BFSP2: variants seen among roughly 807,000 people sequenced by gnomAD.
The protein encoded by BFSP2 is phakinin.
Under a neutral mutation model 44.9 loss-of-function variants are expected in BFSP2, and 38 were observed. The ratio of observed to expected loss-of-function variants is 0.85; its 90% CI spans 0.65 to 1.11. The LOEUF is 1.11. Among genes scored for constraint, BFSP2 ranks in the 50% least tolerant of loss-of-function variants. The pLI, the probability that BFSP2 is intolerant of heterozygous loss-of-function variation, is 0.00. For missense variants in BFSP2, 525 were observed against 533.0 expected, an observed-to-expected ratio of 0.99 and a Z score of 0.15; for synonymous variants, 197 against 209.9, an observed-to-expected ratio of 0.94 and a Z score of 0.53.
Position 133,442,782 on chromosome 3 carries a change from A to T in BFSP2, c.490-4535A>T, listed in dbSNP as rs145034639. Reference sequence around the variant, plus strand: ...ATGATCCCTTGGTTTCCGGGTAGACATTGGGGTTGTTTACTGAGATGAAGA... The same window carrying T: ...ATGATCCCTTGGTTTCCGGGTAGACTTTGGGGTTGTTTACTGAGATGAAGA... On this transcript the variant is annotated intron_variant, in intron 1 of 6. Coordinates refer to ENST00000302334, the MANE Select transcript of BFSP2 (RefSeq NM_003571.4). Among the ~76,000 whole-genome samples, 35 of 152,044 alleles carry T rather than the reference A, an allele frequency of 2.3e-4. 2 individuals are homozygous for T. The highest frequency in any genetic ancestry group is 8.2e-4 in the African/African-American group (34 of 41,476).
At chr3:133,434,392 C>G (rs2073759931) in intron 1 of BFSP2, among the ~76,000 whole-genome samples, 1 of 152,182 alleles carries the variant, frequency 6.6e-6, no homozygotes. Flanking sequence ...ACTCTAGGTT[C>G]CCACGCAGCC....
At chr3:133,424,230 T>TGG (rs2073622819) in intron 1 of BFSP2, among the ~76,000 whole-genome samples, 1 of 129,636 alleles carries the variant, frequency 7.7e-6, no homozygotes, top group African/African-American at 3.4e-5. Flanking sequence ...TTTTTTTTTT[T>TGG]TTTTTTTTTT....
chr3:133,468,887 C>CA (rs1365135664), intron 5 of BFSP2, among the ~76,000 whole-genome samples: 1 of 152,190 alleles, frequency 6.6e-6, no homozygotes, highest in Non-Finnish European at 1.5e-5. Flanking sequence ...GAATTTACCT[C>CA]ATAACGTCAT....
At position 133,400,255 on chromosome 3, in the gene BFSP2, G is replaced by A; in HGVS notation, c.172G>A (p.Val58Ile). The A allele has an allele frequency of 6.2e-7, 1 of 1,614,026 alleles. No individual in the cohort carries two copies. Among genetic ancestry groups the A allele is most frequent in the Non-Finnish European group, 8.5e-7 (1 of 1,179,982 alleles). Residue 58 changes from valine to isoleucine, a missense_variant, in exon 1 of 7, where the codon GTA (valine) becomes ATA (isoleucine). By Grantham distance (29) the Val-to-Ile change is conservative. Transcript: ENST00000302334. This position sits in a 1 kb window ranked among gnomAD's most constrained non-coding sequence, Gnocchi z 4.0. ...SGLVRAPGVY[V>I]GTAPSGCIGG... is the part of the protein sequence containing the mutation. ...CCTTGTCCGAGCACCCGGGGTCTAT[G>A]TAGGAACAGCACCCAGTGGGTGCAT...
intron 5 of BFSP2, among the ~76,000 whole-genome samples, chr3:133,467,778 G>A (rs2074125814): frequency 6.6e-6 from 1 of 152,104 alleles, no homozygotes; most frequent in Non-Finnish European, 1.5e-5. Flanking sequence ...AGCTTCGTTG[G>A]TGCAAATCAA....
At position 133,450,016 on chromosome 3, in the gene BFSP2, A is replaced by G. The variant is rs6809600; in HGVS notation, c.730-287A>G. On this transcript the variant is annotated intron_variant, in intron 3 of 6. Coordinates refer to ENST00000302334, the MANE Select transcript of BFSP2 (RefSeq NM_003571.4). ...AAGGAAGGAAGGAAGGAAGGAAGGA[A>G]GGAGGGAGGGAGGGGGAGGGAAGGA... Among the ~76,000 whole-genome samples, 13,187 of 92,428 alleles carry G rather than the reference A, an allele frequency of 0.14. 918 individuals are homozygous for G. Among genetic ancestry groups the G allele is most frequent in the African/African-American group, 0.2 (4,409 of 22,266 alleles). 60.6% of individuals were successfully genotyped at this position (92,428 alleles called of 152,430 possible). A position where few individuals can be genotyped will look rare whatever the true frequency, so the allele number is the denominator to read the frequency against.
intron 1 of BFSP2, among the ~76,000 whole-genome samples, chr3:133,431,885 C>G (rs542435426): frequency 5.3e-5 from 8 of 152,188 alleles, no homozygotes; most frequent in African/African-American, 1.7e-4. Flanking sequence ...CTTATTAGGC[C>G]GAGACACTTT....
chr3:133,454,869 C>A (rs2073999230), intron 4 of BFSP2, among the ~76,000 whole-genome samples: 1 of 152,186 alleles, frequency 6.6e-6, no homozygotes, highest in Non-Finnish European at 1.5e-5. Flanking sequence ...AGCTTGTTTT[C>A]TATTTTTAAG....
chr3:133,472,303 G>A, intron 5 of BFSP2, 42 bp from the exon 6 acceptor site: 1 of 1,578,084 alleles, frequency 6.3e-7, no homozygotes, highest in Admixed American at 1.7e-5. Context: ...CAAGGGCCCG[G>A]CCTGTTGTCC....
intron 1 of BFSP2, among the ~76,000 whole-genome samples, chr3:133,425,424 C>A (rs537296913): frequency 6.6e-6 from 1 of 152,180 alleles, no homozygotes; most frequent in Non-Finnish European, 1.5e-5. Flanking sequence ...TGATAGGGCC[C>A]TCTCCCAAGA....
intron 4 of BFSP2, among the ~76,000 whole-genome samples, chr3:133,465,001 C>CTTTTTTTTTT (rs71136470): frequency 1.5e-5 from 2 of 132,112 alleles, no homozygotes; most frequent in Non-Finnish European, 3.2e-5. Flanking sequence ...CTTGGGGTTT[C>CTTTTTTTTTT]TTTTTTTTTT....
intron 1 of BFSP2, among the ~76,000 whole-genome samples, chr3:133,414,925 C>T (rs1286376871): frequency 2.5e-5 from 3 of 121,074 alleles, no homozygotes; most frequent in African/African-American, 9.7e-5. Context: ...GCCCTGTCCC[C>T]TCTGCTCACC....
At chr3:133,441,404 C>A (rs1252577409) in intron 1 of BFSP2, among the ~76,000 whole-genome samples, 1 of 152,082 alleles carries the variant, frequency 6.6e-6, no homozygotes, top group Admixed American at 6.6e-5. Flanking sequence ...TAGTTTTTGT[C>A]CCCAGGTAAC....
chr3:133,426,141 G>C (rs1306846688), intron 1 of BFSP2, among the ~76,000 whole-genome samples: 2 of 149,526 alleles, frequency 1.3e-5, no homozygotes, highest in Non-Finnish European at 3.0e-5. Flanking sequence ...CACTTTTCTG[G>C]ATTCCTCTTA....
At chr3:133,418,051 C>T (rs1356663585) in intron 1 of BFSP2, among the ~76,000 whole-genome samples, 7 of 145,354 alleles carry the variant, frequency 4.8e-5, no homozygotes, top group Non-Finnish European at 4.5e-5. Context: ...TCCCTATCCT[C>T]TCCCCTCTAC....
chr3:133,474,821 C>A, intron 6 of BFSP2, 148 bp from the exon 7 acceptor site: 3 of 1,054,072 alleles, frequency 2.8e-6, no homozygotes, highest in Admixed American at 1.7e-5. Flanking sequence ...CAGCAAATAA[C>A]CATGGAGTAA....
intron 1 of BFSP2, among the ~76,000 whole-genome samples, chr3:133,419,825 G>A (rs1486775801): frequency 6.6e-6 from 1 of 152,232 alleles, no homozygotes; most frequent in Non-Finnish European, 1.5e-5. Flanking sequence ...TCAGAAAAAT[G>A]TGCTGAGCAG....
chr3:133,466,393 T>C (rs534727384), intron 4 of BFSP2, among the ~76,000 whole-genome samples: 3 of 151,832 alleles, frequency 2.0e-5, no homozygotes, highest in Non-Finnish European at 4.4e-5. Flanking sequence ...AAAAAAGACA[T>C]TTCCAGCCAG....
At chr3:133,421,268 A>G (rs934246285) in intron 1 of BFSP2, among the ~76,000 whole-genome samples, 5 of 152,258 alleles carry the variant, frequency 3.3e-5, no homozygotes, top group Non-Finnish European at 7.3e-5. Flanking sequence ...ACAAAGGATT[A>G]CAAACTGGGT....
Sources: gnomAD v4.1 joint callset for allele counts (sites outside exome capture counted in the v4.1 genomes callset) on GRCh38, gnomAD v4.1.1 for gene constraint, Gnocchi (gnomAD v3.1) non-coding constraint, MANE v1.5 for transcripts, NCBI Gene and HGNC (gene_info 2026-07-23, HGNC 2026-07-21) for gene names.